Variants in SP140 observed in about 807,000 individuals in gnomAD.
SP140 encodes SP140 nuclear body protein.
SP140 carries 81 observed loss-of-function variants against 125.0 expected under a neutral mutation model. The ratio of observed to expected loss-of-function variants is 0.65; its 90% confidence interval spans 0.54 to 0.78. The LOEUF (loss-of-function observed/expected upper bound fraction) is 0.78, where lower values mean the gene tolerates loss of function less well. SP140 is among the 30% of genes least tolerant of loss of function. The pLI is 0.00. For missense variants in SP140, 858 were observed against 1,037.0 expected (o/e 0.83, Z 2.37); for synonymous variants, 312 against 354.0 (o/e 0.88, Z 1.33).
chr2:230,193,430 G>A, the SP140 span, among the ~76,000 whole-genome samples: 2 of 152,098 alleles, frequency 1.3e-5, no homozygotes, highest in South Asian at 4.1e-4. Context: ...TTTCTTCATT[G>A]TGTTATTGTT....
chr2:230,270,603 A>G lies in SP140; in HGVS notation c.1462A>G (p.Asn488Asp), dbSNP rs1011750503. Reference sequence around the variant, plus strand: ...TTTTCCAGATACTGTGGATATTGCAAACAACTCCACTTTGGGAAAACCCAA... The same window carrying G: ...TTTTCCAGATACTGTGGATATTGCAGACAACTCCACTTTGGGAAAACCCAA... ...CGTMDTVDIANNSTLGKPKRK... is the reference protein window; with the variant it reads ...CGTMDTVDIADNSTLGKPKRK... The change falls in exon 15 of 27, where the codon AAC becomes GAC. Residue 488 changes from asparagine (N) to aspartate (D), a missense_variant. Asn to Asp is a conservative substitution (Grantham distance 23, BLOSUM62 1). This residue lies in a region of SP140 where 791 missense variants were observed against 869.5 expected (regional missense o/e 0.91). Transcript: ENST00000392045. 2.5e-6 allele frequency: 4 copies of G among 1,609,526 alleles called. No individual in the cohort carries two copies. The African/African-American group carries it at 5.4e-5, about 22-fold the overall frequency.
chr2:230,218,357 A>C (rs1267194049), intron 3 of SP140, among the ~76,000 whole-genome samples: 1 of 152,232 alleles, frequency 6.6e-6, no homozygotes, highest in Non-Finnish European at 1.5e-5. Context: ...ACTCATGAAA[A>C]GAATAATCCG....
At chr2:230,256,236 T>C (rs954175179) in intron 12 of SP140, among the ~76,000 whole-genome samples, 1 of 151,924 alleles carries the variant, frequency 6.6e-6, no homozygotes, top group Non-Finnish European at 1.5e-5. Flanking sequence ...ATGTTTATTG[T>C]GGCACTATTC....
intron 3 of SP140, 176 bp downstream of exon 3, chr2:230,238,557 A>C (rs1045806481): frequency 9.2e-6 from 7 of 759,796 alleles, no homozygotes; most frequent in Non-Finnish European, 1.3e-5. Flanking sequence ...TGGAGTTTAC[A>C]TACAGTGGGA....
the SP140 span, among the ~76,000 whole-genome samples, chr2:230,192,317 T>C: frequency 1.3e-5 from 2 of 152,130 alleles, no homozygotes; most frequent in East Asian, 1.9e-4. Flanking sequence ...ATAAAGCGTA[T>C]TCAAATAGGA....
intron 7 of SP140, among the ~76,000 whole-genome samples, chr2:230,246,459 A>T (rs1327115908): frequency 6.6e-6 from 1 of 152,142 alleles, no homozygotes; most frequent in Non-Finnish European, 1.5e-5. Context: ...AAGGGGAGAT[A>T]ATTTTCAACT....
intron 15 of SP140, among the ~76,000 whole-genome samples, chr2:230,282,551 C>T (rs986861076): frequency 6.6e-6 from 1 of 152,262 alleles, no homozygotes; most frequent in African/African-American, 2.4e-5. Context: ...TATCCCAGTA[C>T]TTTGGGAGGC....
At chr2:230,256,871 A>G (rs374664287) in intron 12 of SP140, among the ~76,000 whole-genome samples, 12 of 152,220 alleles carry the variant, frequency 7.9e-5, no homozygotes, top group African/African-American at 2.9e-4. Context: ...CCATTATGTC[A>G]TTGGATCATG....
intron 7 of SP140, among the ~76,000 whole-genome samples, chr2:230,247,712 C>T (rs2049684446): frequency 6.6e-6 from 1 of 152,182 alleles, no homozygotes; most frequent in South Asian, 2.1e-4. Flanking sequence ...TCTGCCTCTC[C>T]TGCAATTACT....
intron 1 of SP140, among the ~76,000 whole-genome samples, chr2:230,232,913 C>T (rs1235784974): frequency 6.6e-6 from 1 of 151,616 alleles, no homozygotes; most frequent in Non-Finnish European, 1.5e-5. Context: ...AGAATTTTAC[C>T]TTCTTTCTCA....
chr2:230,201,017 T>C (rs764999776), upstream of SP140: 17 of 1,411,056 alleles, frequency 1.2e-5, no homozygotes, highest in Non-Finnish European at 1.7e-5. Flanking sequence ...CCATGGAGAA[T>C]CTCCCAGAGA....
At chr2:230,301,151 A>T (rs1183465068) in intron 22 of SP140, among the ~76,000 whole-genome samples, 2 of 152,236 alleles carry the variant, frequency 1.3e-5, no homozygotes, top group African/African-American at 4.8e-5. Context: ...TAGGATTATG[A>T]TAAATGACCA....
intron 19 of SP140, 134 bp downstream of exon 19, chr2:230,290,698 T>A (rs3820976): frequency 0.15 from 106,261 of 714,612 alleles, 8,644 homozygotes; most frequent in East Asian, 0.29. Context: ...GGAAGGGATT[T>A]CTAAGATGAC....
intron 12 of SP140, among the ~76,000 whole-genome samples, chr2:230,258,881 G>C (rs1266588525): frequency 6.6e-6 from 1 of 151,948 alleles, no homozygotes; most frequent in Non-Finnish European, 1.5e-5. Flanking sequence ...AAAATTAAAT[G>C]AGTGCAGCAA....
At chr2:230,196,398 CA>C in the SP140 span, among the ~76,000 whole-genome samples, 2 of 151,332 alleles carry the variant, frequency 1.3e-5, no homozygotes, top group African/African-American at 4.9e-5. Context: ...AGATGATACA[CA>C]ATGAAAAAAG....
intron 22 of SP140, among the ~76,000 whole-genome samples, chr2:230,298,217 G>A (rs1033674307): frequency 6.6e-6 from 1 of 152,176 alleles, no homozygotes; most frequent in African/African-American, 2.4e-5. Context: ...AATCATGGAT[G>A]AGTCCCTTCT....
At chr2:230,287,832 G>A (rs1202145254) in intron 17 of SP140, 60 bp from the exon 18 acceptor site, 7 of 1,414,854 alleles carry the variant, frequency 4.9e-6, no homozygotes, top group South Asian at 1.3e-5. Flanking sequence ...TTGAAAAGCT[G>A]TAATATGTGT....
rs200212400 is a variant in SP140, at chr2:230,259,955, C to T, written c.1240+4423C>T. ...TGACTTCTTTTCCTCTGGATAGATA[C>T]CCAGTAGTGGGATTGCTGGATCAAA... On this transcript the variant is annotated intron_variant, in intron 12 of 26. Coordinates refer to ENST00000392045, the MANE Select transcript of SP140 (RefSeq NM_007237.5). Among the ~76,000 whole-genome samples the T allele has an allele frequency of 2.6e-5, 4 of 151,900 alleles. No individual in the cohort carries two copies. In the South Asian group the frequency reaches 8.3e-4, roughly 32 times the overall value.
At chr2:230,282,618 T>G (rs6734941) in intron 15 of SP140, among the ~76,000 whole-genome samples, 10 of 150,298 alleles carry the variant, frequency 6.7e-5, no homozygotes, top group African/African-American at 1.2e-4. Flanking sequence ...GACAACATAG[T>G]GAGACCCCGT....
Sources: gnomAD v4.1 joint callset for allele counts (sites outside exome capture counted in the v4.1 genomes callset) on GRCh38, gnomAD v4.1.1 for gene constraint, gnomAD v4.1.1 regional missense constraint, MANE v1.5 for transcripts, NCBI Gene and HGNC (gene_info 2026-07-23, HGNC 2026-07-21) for gene names.